The following SLIT3 variants were observed in gnomAD, a reference collection of about 807,000 sequenced individuals.
The protein encoded by SLIT3 is slit guidance ligand 3.
A neutral mutation model predicts 184.0 loss-of-function variants in SLIT3; 68 were observed. The ratio of observed to expected loss-of-function variants is 0.37; its 90% CI spans 0.30 to 0.45. SLIT3 has a LOEUF of 0.45. Ranked by LOEUF, SLIT3 falls within the 20% of genes least tolerant of loss-of-function variation. The pLI is 1.00. For missense variants in SLIT3, 1,707 were observed against 2,026.0 expected, an observed-to-expected ratio of 0.84 and a Z score of 3.02; for synonymous variants, 831 against 828.6, an observed-to-expected ratio of 1.00 and a Z score of -0.05.
chr5:168,910,615 A>G (rs1454523826), intron 4 of SLIT3, among the ~76,000 whole-genome samples: 3 of 151,928 alleles, frequency 2.0e-5, no homozygotes, highest in Admixed American at 1.3e-4. Context: ...GTGTGGTGGC[A>G]GGCGCCTGTA....
At chr5:168,881,399 C>T (rs906180677) in intron 5 of SLIT3, among the ~76,000 whole-genome samples, 1 of 152,240 alleles carries the variant, frequency 6.6e-6, no homozygotes, top group African/African-American at 2.4e-5. Flanking sequence ...CAATCAAAAA[C>T]ATAGTCAGCA....
At chr5:169,046,505 G>A (rs895826753) in intron 4 of SLIT3, among the ~76,000 whole-genome samples, 2 of 152,112 alleles carry the variant, frequency 1.3e-5, no homozygotes, top group Admixed American at 6.5e-5. Flanking sequence ...AAATGTCTCC[G>A]GATCCATAAT....
intron 4 of SLIT3, among the ~76,000 whole-genome samples, chr5:169,014,713 G>C (rs1756296148): frequency 6.6e-6 from 1 of 152,208 alleles, no homozygotes; most frequent in African/African-American, 2.4e-5. Flanking sequence ...CACTTTGGGA[G>C]GCCAAGGCAG....
At chr5:168,982,272 T>C (rs1177430514) in intron 4 of SLIT3, among the ~76,000 whole-genome samples, 2 of 152,210 alleles carry the variant, frequency 1.3e-5, no homozygotes, top group African/African-American at 4.8e-5. Flanking sequence ...CATGGATTAA[T>C]ACATTAACAG....
At chr5:168,690,381 T>TA (rs931955615) in intron 29 of SLIT3, among the ~76,000 whole-genome samples, 1 of 152,178 alleles carries the variant, frequency 6.6e-6, no homozygotes. Flanking sequence ...AGTGCTGGTG[T>TA]AAGCCTGTGT....
intron 9 of SLIT3, 21 bp from the exon 10 acceptor site, chr5:168,795,599 G>A (rs1444203668): frequency 6.3e-7 from 1 of 1,599,654 alleles, no homozygotes. Flanking sequence ...GAGCAGAGAA[G>A]AGTGAATTAA....
intron 20 of SLIT3, among the ~76,000 whole-genome samples, chr5:168,743,717 T>C (rs1156589621): frequency 1.3e-5 from 2 of 152,234 alleles, no homozygotes; most frequent in African/African-American, 4.8e-5. Context: ...CTAGGCCTCT[T>C]GGACCAAATA....
At chr5:168,705,191 C>T (rs1327764354) in intron 26 of SLIT3, among the ~76,000 whole-genome samples, 1 of 152,206 alleles carries the variant, frequency 6.6e-6, no homozygotes, top group Admixed American at 6.5e-5. Context: ...CACTTGCCAA[C>T]AGGCAGTGAG....
chr5:169,104,166 AC>A (rs1760116556), intron 4 of SLIT3, among the ~76,000 whole-genome samples: 1 of 151,972 alleles, frequency 6.6e-6, no homozygotes, highest in African/African-American at 2.4e-5. Context: ...ATTTGGAAAT[AC>A]CCCCATATTT....
intron 1 of SLIT3, among the ~76,000 whole-genome samples, chr5:169,256,618 T>C (rs1262606215): frequency 6.6e-6 from 1 of 152,122 alleles, no homozygotes; most frequent in African/African-American, 2.4e-5. Context: ...TTTATAACAA[T>C]AGAGAGGTGG....
At chr5:169,206,445 C>T (rs1764070287) in intron 3 of SLIT3, among the ~76,000 whole-genome samples, 1 of 152,138 alleles carries the variant, frequency 6.6e-6, no homozygotes, top group Admixed American at 6.5e-5. Flanking sequence ...TAGGAAACTG[C>T]CAGATGCAAA....
At chr5:169,000,465 G>A (rs1755668117) in intron 4 of SLIT3, among the ~76,000 whole-genome samples, 1 of 148,618 alleles carries the variant, frequency 6.7e-6, no homozygotes, top group Admixed American at 6.7e-5. Context: ...GGAAAGTTCA[G>A]TTGCATCAAC....
chr5:169,181,504 G>A (rs529845001), intron 4 of SLIT3, among the ~76,000 whole-genome samples: 2 of 152,130 alleles, frequency 1.3e-5, no homozygotes, highest in African/African-American at 2.4e-5. Flanking sequence ...CACTTTGGGA[G>A]GCTGAGGTGG....
chr5:168,757,852 C>T (rs1755005707), intron 16 of SLIT3, among the ~76,000 whole-genome samples: 1 of 152,156 alleles, frequency 6.6e-6, no homozygotes, highest in African/African-American at 2.4e-5. Flanking sequence ...TCTTTATTTC[C>T]TCATATTTCT....
At chr5:169,136,333 C>G (rs1293761776) in intron 4 of SLIT3, among the ~76,000 whole-genome samples, 1 of 152,154 alleles carries the variant, frequency 6.6e-6, no homozygotes, top group African/African-American at 2.4e-5. Flanking sequence ...GCTACCCTGC[C>G]CATTAAAGGG....
chr5:169,285,669 G>T (rs1767131119), intron 1 of SLIT3, among the ~76,000 whole-genome samples: 2 of 152,192 alleles, frequency 1.3e-5, no homozygotes, highest in Admixed American at 1.3e-4. Flanking sequence ...GAGCAACCAT[G>T]TGAGAAGTTA....
chr5:168,899,711 C>T lies in SLIT3; in HGVS notation c.414-16375G>A, dbSNP rs549137549. On this transcript the variant is annotated intron_variant, in intron 4 of 35. Transcript: ENST00000519560. ...GAAAAGAGTATAAATTTCTTTGGGG[C>T]CTTCATGCAATATTTCACAAATATA... 4.6e-5 allele frequency among the ~76,000 whole-genome samples: 7 copies of T among 152,238 alleles called. No individual in the cohort carries two copies. In the East Asian group the frequency reaches 9.7e-4, roughly 21 times the overall value.
chr5:168,905,185 GA>G (rs34966423), intron 4 of SLIT3, among the ~76,000 whole-genome samples: 1 of 150,806 alleles, frequency 6.6e-6, no homozygotes, highest in East Asian at 2.0e-4. Context: ...CCAAAAAAAA[GA>G]AAAAAAATGG....
intron 7 of SLIT3, among the ~76,000 whole-genome samples, chr5:168,817,788 A>G (rs1414145153): frequency 6.6e-6 from 1 of 152,188 alleles, no homozygotes; most frequent in Non-Finnish European, 1.5e-5. Flanking sequence ...TCCTGATTGG[A>G]GTCAAACTTA....
Sources: allele counts gnomAD v4.1 joint callset (sites outside exome capture counted in the v4.1 genomes callset), GRCh38; gene constraint gnomAD v4.1.1; transcripts MANE v1.5; gene names NCBI Gene and HGNC (gene_info 2026-07-23, HGNC 2026-07-21).